Variants in EFHC2 observed in about 807,000 individuals in gnomAD.
EFHC2 encodes the protein EF-hand domain containing 2, also known as EF-hand domain-containing family member C2.
In EFHC2, 18 loss-of-function variants were observed where a neutral mutation model predicts 52.7. The observed-to-expected ratio is 0.34, with a 90% CI of 0.24 to 0.51. EFHC2 has a LOEUF of 0.51. Ranked by LOEUF, EFHC2 falls within the 20% of genes least tolerant of loss-of-function variation. The probability of loss-of-function intolerance (pLI) is 0.97; values close to 1 mark genes in which losing one functional copy is unlikely to be tolerated. For missense variants in EFHC2, 513 were observed against 562.5 expected, an observed-to-expected ratio of 0.91 and a Z score of 0.89; for synonymous variants, 203 against 204.1, an observed-to-expected ratio of 0.99 and a Z score of 0.04.
rs1231955822 is a variant in EFHC2, at chrX:44,244,383, T to G, written c.1112-2094A>C. The stretch of plus-strand genomic sequence containing the variant: ...CAGCTGAATGACAAGTTTCCTCACT[T>G]TGGTTTTCCATCATCCCAGCATCCT... On this transcript the variant is annotated intron_variant, in intron 7 of 14. Transcript: ENST00000420999. Among the ~76,000 whole-genome samples the G allele has an allele frequency of 4.5e-5, 5 of 112,112 alleles. No individual in the cohort carries two copies. In the East Asian group the frequency reaches 1.4e-3, roughly 31 times the overall value.
chrX:44,257,498 TAGAC>T (rs1237447720), intron 4 of EFHC2, among the ~76,000 whole-genome samples: 21 of 111,347 alleles, frequency 1.9e-4, no homozygotes, highest in East Asian at 8.4e-4. Flanking sequence ...ACACCAATAA[TAGAC>T]AGACAGCCAA....
chrX:44,267,719 G>C (rs1462837940), intron 3 of EFHC2, among the ~76,000 whole-genome samples: 1 of 111,060 alleles, frequency 9.0e-6, no homozygotes, highest in Non-Finnish European at 1.9e-5. Context: ...CCTCTTCCCA[G>C]GGCCCAGATG....
intron 14 of EFHC2, among the ~76,000 whole-genome samples, chrX:44,156,307 C>T (rs762970868): frequency 1.1e-4 from 12 of 112,245 alleles, no homozygotes; most frequent in Non-Finnish European, 2.1e-4. Context: ...CCTTTTATTT[C>T]GACTGTTATA....
At chrX:44,194,599 G>GCTC (rs1486019187) in intron 11 of EFHC2, among the ~76,000 whole-genome samples, 1 of 111,810 alleles carries the variant, frequency 8.9e-6, no homozygotes, top group Non-Finnish European at 1.9e-5. Flanking sequence ...AACTTAGGTG[G>GCTC]CTCTAAATCA....
At chrX:44,260,125 G>A (rs1371081387) in intron 4 of EFHC2, among the ~76,000 whole-genome samples, 1 of 111,299 alleles carries the variant, frequency 9.0e-6, no homozygotes, top group African/African-American at 3.3e-5. Context: ...GTGGTGGGGA[G>A]CGGGATCGAT....
intron 10 of EFHC2, 50 bp downstream of exon 10, chrX:44,232,431 G>C: frequency 1.0e-6 from 1 of 952,640 alleles, no homozygotes; most frequent in Non-Finnish European, 1.4e-6. Context: ...GAAAAACACA[G>C]ACTGCGGAGG....
In EFHC2 at chrX:44,181,761, C is replaced by T. The variant is rs533673873; in HGVS notation, c.1752-3197G>A. ...TGTGCCCACATGAGGCAGGTTCCTGCACGAGGGATCTCAATCAGGATGTAC... is the reference window on the plus strand; with the variant it reads ...TGTGCCCACATGAGGCAGGTTCCTGTACGAGGGATCTCAATCAGGATGTAC... On this transcript the variant is annotated intron_variant, in intron 11 of 14. Transcript: ENST00000420999. 3.5e-4 allele frequency among the ~76,000 whole-genome samples: 40 copies of T among 112,692 alleles called. No homozygotes were observed. The South Asian group carries it at 0.013, about 36-fold the overall frequency.
At chrX:44,178,170 A>ACACACACAC (rs2036804766) in intron 12 of EFHC2, among the ~76,000 whole-genome samples, 197 bp downstream of exon 12, 3 of 52,683 alleles carry the variant, frequency 5.7e-5, no homozygotes, top group Admixed American at 2.1e-4. Context: ...CACACACACA[A>ACACACACAC]GCTCTCCATC....
chrX:44,266,526 G>A (rs949223759), intron 3 of EFHC2, among the ~76,000 whole-genome samples: 3 of 109,382 alleles, frequency 2.7e-5, no homozygotes, highest in Non-Finnish European at 5.7e-5. Context: ...TAGTCGACGA[G>A]GTTTTGCTAT....
At chrX:44,248,679 A>C (rs1441972867) in intron 6 of EFHC2, 124 bp downstream of exon 6, 2 of 574,267 alleles carry the variant, frequency 3.5e-6, no homozygotes, top group East Asian at 7.2e-5. Flanking sequence ...AGTACAATGC[A>C]TACATTTATG....
intron 11 of EFHC2, among the ~76,000 whole-genome samples, chrX:44,216,110 T>C (rs759867009): frequency 2.8e-4 from 31 of 112,428 alleles, no homozygotes; most frequent in African/African-American, 9.7e-4. Context: ...AGTTTCAGTA[T>C]TTCATTTCCC....
chrX:44,209,845 A>T (rs2037081698), intron 11 of EFHC2, among the ~76,000 whole-genome samples: 1 of 109,257 alleles, frequency 9.2e-6, no homozygotes, highest in East Asian at 2.9e-4. Context: ...TTAGATTATC[A>T]TAGGAGTGCA....
At position 44,309,572 on chromosome X, in the gene EFHC2, ATTC is replaced by A. The variant is rs903988719; in HGVS notation, c.231+2993_231+2995del. 156 of 1,166,109 alleles carry A rather than the reference ATTC, an allele frequency of 1.3e-4. 1 individual carries two copies. In the Admixed American group the frequency reaches 3.4e-3, roughly 25 times the overall value. On this transcript the variant is annotated intron_variant, in intron 2 of 14. Coordinates refer to ENST00000420999, the MANE Select transcript of EFHC2 (RefSeq NM_025184.4). ...TTCACAGGCAAGGCCTCGGTGAGGAATTCTTGTTCTATCTGAACAGCATTGATA... is the reference window on the plus strand; with the variant it reads ...TTCACAGGCAAGGCCTCGGTGAGGAATTGTTCTATCTGAACAGCATTGATA...
At chrX:44,161,819 C>T (rs1294809821) in intron 14 of EFHC2, among the ~76,000 whole-genome samples, 1 of 112,281 alleles carries the variant, frequency 8.9e-6, no homozygotes, top group African/African-American at 3.2e-5. Context: ...GTTATCAGGG[C>T]AAATGACAGT....
At chrX:44,180,680 G>A (rs771434807) in intron 11 of EFHC2, among the ~76,000 whole-genome samples, 18 of 109,875 alleles carry the variant, frequency 1.6e-4, no homozygotes, top group African/African-American at 5.0e-4. Flanking sequence ...CAGAGGTTGC[G>A]GTAGCTGAGA....
At chrX:44,245,708 C>T (rs1277657110) in intron 7 of EFHC2, among the ~76,000 whole-genome samples, 1 of 112,190 alleles carries the variant, frequency 8.9e-6, no homozygotes, top group East Asian at 2.8e-4. Context: ...GAGTTTTACA[C>T]AGGAGCTCAA....
chrX:44,326,511 A>G (rs928840089), intron 1 of EFHC2, among the ~76,000 whole-genome samples: 2 of 110,525 alleles, frequency 1.8e-5, no homozygotes, highest in African/African-American at 6.6e-5. Context: ...GTACACTAAG[A>G]AAAGGAAAAC....
intron 11 of EFHC2, among the ~76,000 whole-genome samples, chrX:44,198,434 T>C (rs2036981565): frequency 1.8e-5 from 2 of 111,711 alleles, no homozygotes; most frequent in African/African-American, 6.5e-5. Flanking sequence ...CAGTTTAGCA[T>C]AGGTATTAAT....
At chrX:44,343,400 G>T in intron 1 of EFHC2, 147 bp downstream of exon 1, 1 of 592,239 alleles carries the variant, frequency 1.7e-6, no homozygotes, top group Non-Finnish European at 2.8e-6. Context: ...GGGAGAAGCA[G>T]CCTATAAAGT....
Sources: allele counts gnomAD v4.1 joint callset (sites outside exome capture counted in the v4.1 genomes callset), GRCh38; gene constraint gnomAD v4.1.1; transcripts MANE v1.5; gene names NCBI Gene and HGNC (gene_info 2026-07-23, HGNC 2026-07-21).